BACE1: variants seen among roughly 807,000 people sequenced by gnomAD.
The protein encoded by BACE1 is beta-secretase 1.
In BACE1, 21 loss-of-function variants were observed where a neutral mutation model predicts 54.0. The observed-to-expected ratio is 0.39, with a 90% confidence interval of 0.28 to 0.56. BACE1 has a LOEUF of 0.56. Among genes scored for constraint, BACE1 ranks in the 20% least tolerant of loss-of-function variants. The probability of loss-of-function intolerance (pLI) is 0.63; values close to 1 mark genes in which losing one functional copy is unlikely to be tolerated. For synonymous variants in BACE1, 232 were observed against 260.9 expected (o/e 0.89, Z 1.07); for missense variants, 511 against 661.2 (o/e 0.77, Z 2.49).
chr11:117,311,175 G>A (rs1266905296), intron 1 of BACE1, among the ~76,000 whole-genome samples: 5 of 152,090 alleles, frequency 3.3e-5, no homozygotes, highest in African/African-American at 1.2e-4. Flanking sequence ...GGGCAACATA[G>A]TGAGACAATT....
At chr11:117,291,181 C>T in intron 6 of BACE1, 132 bp from the exon 7 acceptor site, 3 of 1,079,776 alleles carry the variant, frequency 2.8e-6, no homozygotes, top group Non-Finnish European at 3.9e-6. Context: ...AGGGGTAAAC[C>T]AACCAGAGGA....
intron 1 of BACE1, among the ~76,000 whole-genome samples, chr11:117,303,468 A>G (rs181258855): frequency 6.6e-6 from 1 of 152,340 alleles, no homozygotes; most frequent in East Asian, 1.9e-4. Context: ...ATCTTGGGTG[A>G]TGAGGCAGGT....
intron 1 of BACE1, among the ~76,000 whole-genome samples, chr11:117,312,201 C>A (rs549334403): frequency 2.0e-5 from 3 of 152,212 alleles, no homozygotes; most frequent in Admixed American, 2.0e-4. Context: ...ATCCATAACT[C>A]ATCCTCTCAT....
chr11:117,298,937 C>G (rs1315905236), intron 1 of BACE1, among the ~76,000 whole-genome samples: 2 of 152,212 alleles, frequency 1.3e-5, no homozygotes, highest in Non-Finnish European at 2.9e-5. Context: ...TCCTGAGTAG[C>G]TGGGATTACA....
At chr11:117,304,342 G>A (rs2034785958) in intron 1 of BACE1, among the ~76,000 whole-genome samples, 1 of 152,240 alleles carries the variant, frequency 6.6e-6, no homozygotes, top group South Asian at 2.1e-4. Context: ...CCACATGGGT[G>A]AGCCCAGGTA....
In BACE1 at chr11:117,287,881, C is replaced by G. The variant is rs964110250; in HGVS notation, c.*1685G>C. 6.5e-6 allele frequency: 1 copy of G among 152,686 alleles called. No homozygotes were observed. Among genetic ancestry groups the G allele is most frequent in the African/African-American group, 2.4e-5 (1 of 41,458 alleles). 9.5% of individuals were successfully genotyped at this position (152,686 alleles called of 1,614,324 possible). On this transcript the variant is annotated 3_prime_UTR_variant, in exon 9 of 9. Coordinates refer to ENST00000313005, the MANE Select transcript of BACE1 (RefSeq NM_012104.6). ...GCTGAGGCCAGGAACACCAGAGGCC[C>G]TCCTTGTATTTCCCTCTCCCTTATC... is the stretch of plus-strand genomic sequence containing the variant.
rs1026513816 is a variant in BACE1, at chr11:117,288,424, G to A, written c.*1142C>T. On this transcript the variant is annotated 3_prime_UTR_variant, in exon 9 of 9. Transcript: ENST00000313005. ...CCTAATAGGAAGAAATCCAGGCAGG[G>A]GTTATAGGGCATCAGCTGTTGAATG... 1 of 152,596 alleles carries A rather than the reference G, an allele frequency of 6.6e-6. No individual in the cohort carries two copies. Among genetic ancestry groups the A allele is most frequent in the South Asian group, 2.1e-4 (1 of 4,826 alleles). 9.5% of individuals were successfully genotyped at this position (152,596 alleles called of 1,614,324 possible).
At chr11:117,307,932 C>T (rs988869616) in intron 1 of BACE1, among the ~76,000 whole-genome samples, 2 of 151,942 alleles carry the variant, frequency 1.3e-5, no homozygotes, top group Non-Finnish European at 2.9e-5. Context: ...GTTCTTTGAG[C>T]TCGATGGTTT....
At chr11:117,295,655 T>C in intron 2 of BACE1, 1 of 1,522,388 alleles carries the variant, frequency 6.6e-7, no homozygotes, top group Non-Finnish European at 8.8e-7. Flanking sequence ...CTGCTGCTGC[T>C]GCAGGGACAG....
chr11:117,298,030 A>C (rs2034642530), intron 1 of BACE1, among the ~76,000 whole-genome samples: 1 of 152,182 alleles, frequency 6.6e-6, no homozygotes, highest in South Asian at 2.1e-4. Context: ...AGGCCAGCAC[A>C]GTGGCTCACA....
chr11:117,290,409 G>T, intron 8 of BACE1, 79 bp downstream of exon 8: 1 of 1,534,752 alleles, frequency 6.5e-7, no homozygotes, highest in South Asian at 1.3e-5. Flanking sequence ...AACTGACAGG[G>T]ACCCAGGTAT....
intron 5 of BACE1, 178 bp from the exon 6 acceptor site, chr11:117,291,991 G>A (rs2034453188): frequency 4.3e-6 from 2 of 467,884 alleles, no homozygotes; most frequent in Non-Finnish European, 3.9e-6. Flanking sequence ...CTAAAGTGAG[G>A]ATAAAAATAG....
intron 2 of BACE1, among the ~76,000 whole-genome samples, chr11:117,295,971 G>A (rs548136022): frequency 1.3e-5 from 2 of 152,280 alleles, no homozygotes; most frequent in African/African-American, 4.8e-5. Context: ...GAACTGGAAC[G>A]AGGAACTGGA....
At position 117,315,789 on chromosome 11, in the gene BACE1, G is replaced by A; in HGVS notation, c.7C>T (p.Gln3Ter). 1 of 1,414,282 alleles carries A rather than the reference G, an allele frequency of 7.1e-7. No homozygotes were observed. 87.6% of individuals were successfully genotyped at this position (1,414,282 alleles called of 1,614,324 possible). A position where few individuals can be genotyped will look rare whatever the true frequency, so the allele number is the denominator to read the frequency against. ...CACAGCAGGAGCCAGGGCAGGGCTT[G>A]GGCCATGGTGGGCCCCGGCCTTCGG... MA[Q>*]ALPWLLLWMG... is the part of the protein sequence containing the mutation. The change falls in exon 1 of 9, where the codon CAA (glutamine) becomes TAA (stop). Residue 3 changes from glutamine (Q) to a stop codon, truncating the protein, a stop_gained. Transcript: ENST00000313005. LOFTEE classifies it high-confidence loss of function. The surrounding 1 kb of genome is among the most constrained non-coding windows in gnomAD (Gnocchi z 5.5).
chr11:117,314,184 G>T (rs1347178652), intron 1 of BACE1, among the ~76,000 whole-genome samples: 4 of 152,190 alleles, frequency 2.6e-5, no homozygotes, highest in Non-Finnish European at 4.4e-5. Flanking sequence ...CATACCTGCT[G>T]CTCCCTGACG....
chr11:117,305,343 A>G (rs966581973), intron 1 of BACE1, among the ~76,000 whole-genome samples: 9 of 152,214 alleles, frequency 5.9e-5, no homozygotes, highest in Admixed American at 5.9e-4. Context: ...CAGAGCACAC[A>G]GCTCCTGTCT....
Position 117,293,093 on chromosome 11 carries a change from C to A in BACE1, c.801G>T (p.Val267=). ...TTTTCAGATCCTGTCCATTGATCTC[C>A]ACCCGCACAATGATCACCTCATAAT... ...EWYYEVIIVR[V]EINGQDLKMD... Residue 267 remains valine, a synonymous_variant, in exon 5 of 9, where the codon GTG becomes GTT. Coordinates refer to ENST00000313005, the MANE Select transcript of BACE1 (RefSeq NM_012104.6). This position sits in a 1 kb window ranked among gnomAD's most constrained non-coding sequence, Gnocchi z 4.1. The A allele has an allele frequency of 6.2e-7, 1 of 1,614,096 alleles. No homozygotes were observed. The highest frequency in any genetic ancestry group is 8.5e-7 in the Non-Finnish European group (1 of 1,180,018).
At chr11:117,290,337 T>G in intron 8 of BACE1, 151 bp downstream of exon 8, 1 of 975,494 alleles carries the variant, frequency 1.0e-6, no homozygotes, top group Non-Finnish European at 1.5e-6. Flanking sequence ...GGACGAGCAT[T>G]GACACTAGCT....
At chr11:117,303,833 G>A (rs2034775345) in intron 1 of BACE1, among the ~76,000 whole-genome samples, 2 of 152,198 alleles carry the variant, frequency 1.3e-5, no homozygotes, top group Non-Finnish European at 2.9e-5. Context: ...GCATAACAAG[G>A]CTTTCAGCTA....
Sources: allele counts gnomAD v4.1 joint callset (sites outside exome capture counted in the v4.1 genomes callset), GRCh38; gene constraint gnomAD v4.1.1; non-coding constraint Gnocchi (gnomAD v3.1); transcripts MANE v1.5; gene names NCBI Gene and HGNC (gene_info 2026-07-23, HGNC 2026-07-21).